BMPR1B: variants seen among roughly 807,000 people sequenced by gnomAD.
BMPR1B encodes bone morphogenetic protein receptor type-1B.
A neutral mutation model predicts 59.1 loss-of-function variants in BMPR1B; 12 were observed. That is an observed-to-expected ratio of 0.20 (90% confidence interval 0.13 to 0.33). The LOEUF (loss-of-function observed/expected upper bound fraction) is 0.33, where lower values mean the gene tolerates loss of function less well. Ranked by LOEUF, BMPR1B falls within the 10% of genes least tolerant of loss-of-function variation. The pLI, the probability that BMPR1B is intolerant of heterozygous loss-of-function variation, is 1.00. For missense variants in BMPR1B, 550 were observed against 610.9 expected (o/e 0.90, Z 1.05); for synonymous variants, 237 against 207.3 (o/e 1.14, Z -1.23).
At chr4:95,081,494 A>G (rs1389908273) in intron 3 of BMPR1B, among the ~76,000 whole-genome samples, 1 of 152,236 alleles carries the variant, frequency 6.6e-6, no homozygotes, top group South Asian at 2.1e-4. Flanking sequence ...AGCAAAAGTT[A>G]GGATTTTGTG....
At chr4:95,129,781 C>A in intron 8 of BMPR1B, 81 bp from the exon 9 acceptor site, 1 of 1,401,044 alleles carries the variant, frequency 7.1e-7, no homozygotes, top group Non-Finnish European at 1.0e-6. Context: ...ATGCAGTAAT[C>A]GTTTCTTCTC....
At chr4:94,776,242 A>G (rs1303106373) in intron 1 of BMPR1B, among the ~76,000 whole-genome samples, 1 of 152,136 alleles carries the variant, frequency 6.6e-6, no homozygotes. Context: ...CACTCTAATA[A>G]TGTTTATATT....
At chr4:95,110,185 G>A (rs902974125) in intron 4 of BMPR1B, among the ~76,000 whole-genome samples, 3 of 151,874 alleles carry the variant, frequency 2.0e-5, no homozygotes, top group African/African-American at 7.3e-5. Flanking sequence ...ATATGGAATG[G>A]ATTAGAGTTA....
chr4:94,999,310 T>G (rs1449380549), intron 3 of BMPR1B, among the ~76,000 whole-genome samples: 1 of 152,154 alleles, frequency 6.6e-6, no homozygotes, highest in Non-Finnish European at 1.5e-5. Context: ...CACTTTAAAA[T>G]ATTTTACAAT....
At chr4:95,121,433 G>T (rs1459477870) in intron 6 of BMPR1B, among the ~76,000 whole-genome samples, 5 of 152,166 alleles carry the variant, frequency 3.3e-5, no homozygotes, top group Non-Finnish European at 7.4e-5. Flanking sequence ...GCACATTATT[G>T]TTTAGTAAGA....
intron 2 of BMPR1B, among the ~76,000 whole-genome samples, chr4:94,878,190 CTAA>C (rs1726807683): frequency 6.6e-6 from 1 of 152,160 alleles, no homozygotes; most frequent in Non-Finnish European, 1.5e-5. Context: ...TGCTGTATGA[CTAA>C]TATTTGTTTC....
chr4:94,979,257 A>G (rs1401370337), intron 2 of BMPR1B, among the ~76,000 whole-genome samples: 2 of 152,176 alleles, frequency 1.3e-5, no homozygotes, highest in African/African-American at 2.4e-5. Context: ...GAAATCATCC[A>G]TACTTCTTTG....
intron 3 of BMPR1B, among the ~76,000 whole-genome samples, chr4:95,024,997 A>T (rs1449143805): frequency 2.0e-5 from 3 of 152,116 alleles, no homozygotes; most frequent in Non-Finnish European, 4.4e-5. Flanking sequence ...GCTACTCGGG[A>T]GGCTGAGGCA....
intron 1 of BMPR1B, among the ~76,000 whole-genome samples, chr4:94,840,881 C>T (rs1560509869): frequency 6.8e-6 from 1 of 147,530 alleles, no homozygotes; most frequent in Non-Finnish European, 1.5e-5. Flanking sequence ...GTTTTTTCCC[C>T]ATCTTTGTGG....
intron 3 of BMPR1B, among the ~76,000 whole-genome samples, chr4:94,996,870 T>A (rs1722096334): frequency 6.6e-6 from 1 of 152,206 alleles, no homozygotes; most frequent in African/African-American, 2.4e-5. Flanking sequence ...CAGGTAGCAC[T>A]TTAAATATGT....
chr4:95,006,376 CAAA>C (rs558859893), intron 3 of BMPR1B, among the ~76,000 whole-genome samples: 1 of 134,600 alleles, frequency 7.4e-6, no homozygotes, highest in Non-Finnish European at 1.6e-5. Context: ...GACTCCATCT[CAAA>C]AAAAAAAAAA....
chr4:95,116,421 GCACACACACACACACACACACA>G (rs35436544), intron 6 of BMPR1B, among the ~76,000 whole-genome samples: 3 of 123,248 alleles, frequency 2.4e-5, no homozygotes, highest in East Asian at 2.3e-4. Flanking sequence ...TTCAGCGCGC[GCACACACACACACACACACACA>G]CACACACACA....
intron 2 of BMPR1B, among the ~76,000 whole-genome samples, chr4:94,919,572 G>A (rs563347376): frequency 7.2e-5 from 11 of 152,014 alleles, no homozygotes; most frequent in African/African-American, 2.4e-4. Context: ...AATGGTTTAA[G>A]CCAGACTGTA....
chr4:95,062,614 C>T (rs905511954), intron 3 of BMPR1B, among the ~76,000 whole-genome samples: 7 of 151,998 alleles, frequency 4.6e-5, no homozygotes, highest in African/African-American at 1.7e-4. Context: ...AAATAAGAAA[C>T]GTGATCTGCA....
intron 3 of BMPR1B, among the ~76,000 whole-genome samples, chr4:95,054,847 A>C (rs1047849488): frequency 2.0e-5 from 3 of 152,170 alleles, no homozygotes; most frequent in Non-Finnish European, 2.9e-5. Flanking sequence ...GCAACAATGT[A>C]CCCGTCCTGA....
At chr4:95,032,942 A>G (rs989922808) in intron 3 of BMPR1B, among the ~76,000 whole-genome samples, 1 of 152,128 alleles carries the variant, frequency 6.6e-6, no homozygotes, top group Admixed American at 6.6e-5. Flanking sequence ...ATTTCCTCCA[A>G]CAGTGCACAA....
chr4:94,976,880 G>A (rs556697889), intron 2 of BMPR1B, among the ~76,000 whole-genome samples: 136 of 152,130 alleles, frequency 8.9e-4, no homozygotes, highest in South Asian at 2.5e-3. Flanking sequence ...TGTGGTGCTT[G>A]GCTCCTCCTG....
At chr4:94,992,676 G>A (rs1234143291) in intron 2 of BMPR1B, among the ~76,000 whole-genome samples, 2 of 152,096 alleles carry the variant, frequency 1.3e-5, no homozygotes, top group Non-Finnish European at 2.9e-5. Context: ...TTTACATTAA[G>A]CCTCCCTCTT....
chr4:95,124,053 T>G, intron 7 of BMPR1B, 147 bp downstream of exon 7: 1 of 632,634 alleles, frequency 1.6e-6, no homozygotes, highest in Non-Finnish European at 2.7e-6. Context: ...CTGTTACTGT[T>G]GATAAATATT....
Sources: gnomAD v4.1 joint callset for allele counts (sites outside exome capture counted in the v4.1 genomes callset) on GRCh38, gnomAD v4.1.1 for gene constraint, MANE v1.5 for transcripts, NCBI Gene and HGNC (gene_info 2026-07-23, HGNC 2026-07-21) for gene names.